The following RTRAF variants were observed in gnomAD, a reference collection of about 807,000 sequenced individuals.
RTRAF encodes RNA transcription, translation and transport factor.
A neutral mutation model predicts 34.4 loss-of-function variants in RTRAF; 14 were observed. The observed-to-expected ratio is 0.41, with a 90% CI of 0.27 to 0.64. The LOEUF is 0.64. RTRAF is among the 30% of genes least tolerant of loss of function. The probability of loss-of-function intolerance (pLI) is 0.34; values close to 1 mark genes in which losing one functional copy is unlikely to be tolerated. For missense variants in RTRAF, 291 were observed against 288.4 expected (o/e 1.01, Z -0.06); for synonymous variants, 96 against 95.3 (o/e 1.01, Z -0.04).
chr14:51,989,803 G>A lies in RTRAF; in HGVS notation c.61+103G>A. The A allele has an allele frequency of 2.0e-5, 24 of 1,226,284 alleles. No homozygotes were observed. In the South Asian group the frequency reaches 3.4e-4, roughly 18 times the overall value. 76.0% of individuals were successfully genotyped at this position (1,226,284 alleles called of 1,614,324 possible). A position where few individuals can be genotyped will look rare whatever the true frequency, so the allele number is the denominator to read the frequency against. The stretch of plus-strand genomic sequence containing the variant: ...CCCCGTCGGGACCCTCGGCGGCCTG[G>A]TTTCCGCCGGCAGCCTCCGGGCCCC... On this transcript the variant is annotated intron_variant, in intron 1 of 7. Coordinates refer to ENST00000261700, the MANE Select transcript of RTRAF (RefSeq NM_016039.3).
At chr14:52,001,897 T>C (rs767532071) in intron 6 of RTRAF, 31 bp downstream of exon 6, 1 of 1,555,968 alleles carries the variant, frequency 6.4e-7, no homozygotes. Flanking sequence ...AATAAGTTGT[T>C]AATGAACATT....
rs1350154792 is a variant in RTRAF, at chr14:52,008,958, T to TA, written c.*4444dup. ...TACTAACGAGGAAATATGGTCCTAT[T>TA]AAGTGGAAATAGGTTATAAGGAAAC... On this transcript the variant is annotated 3_prime_UTR_variant, in exon 8 of 8. Transcript: ENST00000261700. The TA allele has an allele frequency of 1.3e-5, 2 of 152,222 alleles. No homozygotes were observed. Among genetic ancestry groups the TA allele is most frequent in the African/African-American group, 4.8e-5 (2 of 41,454 alleles). 9.4% of individuals were successfully genotyped at this position (152,222 alleles called of 1,614,324 possible).
intron 6 of RTRAF, chr14:52,003,959 T>C: frequency 1.9e-6 from 1 of 538,036 alleles, no homozygotes; most frequent in Admixed American, 3.6e-5. Context: ...TTGGATGAGC[T>C]ATAGAGCTTC....
chr14:52,001,878 T>C lies in RTRAF; in HGVS notation c.531+12T>C. The C allele has an allele frequency of 6.3e-7, 1 of 1,597,930 alleles. No homozygotes were observed. The highest frequency in any genetic ancestry group is 8.5e-7 in the Non-Finnish European group (1 of 1,171,702). On this transcript the variant is annotated intron_variant, in intron 6 of 7. Coordinates refer to ENST00000261700, the MANE Select transcript of RTRAF (RefSeq NM_016039.3). Reference sequence around the variant, plus strand: ...ATCAAACAAAAGAGGTACGTTTCTATAAATCCTAAATAAGTTGTTAATGAA... The same window carrying C: ...ATCAAACAAAAGAGGTACGTTTCTACAAATCCTAAATAAGTTGTTAATGAA...
chr14:52,004,578 T>C lies in RTRAF; in HGVS notation c.*62T>C, dbSNP rs904577630. On this transcript the variant is annotated 3_prime_UTR_variant, in exon 8 of 8. Coordinates refer to ENST00000261700, the MANE Select transcript of RTRAF (RefSeq NM_016039.3). ...AGTTGGGAACCATACACTTCTGGCA[T>C]GTTTGGAAATCAAAATGTCACATTC... The C allele has an allele frequency of 1.4e-6, 2 of 1,462,614 alleles. No homozygotes were observed. The highest frequency in any genetic ancestry group is 1.8e-6 in the Non-Finnish European group (2 of 1,091,994). The allele number at this position is 1,462,614 out of a possible 1,614,324, so 90.6% of individuals were successfully genotyped here.
rs1173806799 is a variant in RTRAF, at chr14:52,001,846, A to G, written c.511A>G (p.Lys171Glu). ...GCGCCTGACACAGGATGCAGTTGCTAAGGCAAATCAAACAAAAGAGGTACG... is the reference window on the plus strand; with the variant it reads ...GCGCCTGACACAGGATGCAGTTGCTGAGGCAAATCAAACAAAAGAGGTACG... The part of the protein sequence containing the change: ...QERLTQDAVA[K>E]ANQTKEGLPV... The change falls in exon 6 of 8, where the codon AAG becomes GAG. Residue 171 changes from lysine (K) to glutamate (E), a missense_variant. By Grantham distance (56) the Lys-to-Glu change is moderately conservative. Coordinates refer to ENST00000261700, the MANE Select transcript of RTRAF (RefSeq NM_016039.3). The G allele has an allele frequency of 2.5e-6, 4 of 1,609,244 alleles. No individual in the cohort carries two copies. The highest frequency in any genetic ancestry group is 3.4e-6 in the Non-Finnish European group (4 of 1,178,740).
At chr14:52,002,560 C>T (rs1890617072) in intron 6 of RTRAF, among the ~76,000 whole-genome samples, 1 of 152,168 alleles carries the variant, frequency 6.6e-6, no homozygotes, top group African/African-American at 2.4e-5. Context: ...AGCTATATCC[C>T]ATGACTACCT....
chr14:51,992,895 T>TG (rs1890455066), intron 2 of RTRAF, among the ~76,000 whole-genome samples: 1 of 152,098 alleles, frequency 6.6e-6, no homozygotes, highest in South Asian at 2.1e-4. Context: ...CCAGGTGTGG[T>TG]GGCGCATGTG....
intron 5 of RTRAF, among the ~76,000 whole-genome samples, 179 bp from the exon 6 acceptor site, chr14:52,001,619 T>C (rs559254527): frequency 3.3e-5 from 5 of 152,298 alleles, no homozygotes; most frequent in African/African-American, 9.6e-5. Flanking sequence ...ATACTAGAAG[T>C]GTGAAAGGTT....
chr14:51,990,460 A>G (rs1048865955), intron 1 of RTRAF, among the ~76,000 whole-genome samples: 3 of 152,226 alleles, frequency 2.0e-5, no homozygotes, highest in African/African-American at 7.2e-5. Context: ...ATAACTTGTG[A>G]TACTCAGACC....
chr14:51,992,634 A>G (rs1890450278), intron 2 of RTRAF, among the ~76,000 whole-genome samples: 1 of 152,244 alleles, frequency 6.6e-6, no homozygotes, highest in South Asian at 2.1e-4. Context: ...ACTTTGAAAT[A>G]TATTTTTAGG....
In RTRAF at chr14:52,008,026, T is replaced by G; in HGVS notation, c.*3510T>G. ...GCCATGTAGCCTGTGGTAGGCAGCA[T>G]CTAAGCAGCCCCCAGTGATCTCCAT... is the stretch of plus-strand genomic sequence containing the variant. On this transcript the variant is annotated 3_prime_UTR_variant, in exon 8 of 8. Transcript: ENST00000261700. 2.1e-6 allele frequency: 3 copies of G among 1,422,296 alleles called. No homozygotes were observed. Among genetic ancestry groups the G allele is most frequent in the Non-Finnish European group, 2.9e-6 (3 of 1,038,034 alleles). 88.1% of individuals were successfully genotyped at this position (1,422,296 alleles called of 1,614,324 possible).
chr14:51,999,882 A>G lies in RTRAF; in HGVS notation c.462+86A>G. The stretch of plus-strand genomic sequence containing the variant: ...TCTAAATATTAACTATTGATATTAA[A>G]ATTATGGTTGAATGACTAAAATACA... On this transcript the variant is annotated intron_variant, in intron 5 of 7. Coordinates refer to ENST00000261700, the MANE Select transcript of RTRAF (RefSeq NM_016039.3). 1.3e-5 allele frequency: 12 copies of G among 928,238 alleles called. No individual in the cohort carries two copies. In the South Asian group the frequency reaches 2.0e-4, roughly 15 times the overall value. 57.5% of individuals were successfully genotyped at this position (928,238 alleles called of 1,614,324 possible).
Position 52,007,366 on chromosome 14 carries a change from A to G in RTRAF, c.*2850A>G. Reference sequence around the variant, plus strand: ...CAGCATTTTTTCAGTTGTGCTGATAAAAGCAAACAAATGTAGGTTGCTAAT... The same window carrying G: ...CAGCATTTTTTCAGTTGTGCTGATAGAAGCAAACAAATGTAGGTTGCTAAT... On this transcript the variant is annotated 3_prime_UTR_variant, in exon 8 of 8. Coordinates refer to ENST00000261700, the MANE Select transcript of RTRAF (RefSeq NM_016039.3). 1 of 182,146 alleles carries G rather than the reference A, an allele frequency of 5.5e-6. No individual in the cohort carries two copies. Among genetic ancestry groups the G allele is most frequent in the South Asian group, 1.2e-4 (1 of 8,078 alleles). The allele number at this position is 182,146 out of a possible 1,614,324, so 11.3% of individuals were successfully genotyped here. A position where few individuals can be genotyped will look rare whatever the true frequency, so the allele number is the denominator to read the frequency against.
chr14:51,991,572 G>A (rs1375770435), intron 2 of RTRAF, 131 bp downstream of exon 2: 4 of 1,144,122 alleles, frequency 3.5e-6, no homozygotes, highest in Non-Finnish European at 4.9e-6. Context: ...GGATTTCAGG[G>A]ATTTTGCTTT....
In RTRAF at chr14:52,006,707, A is replaced by C. The variant is rs759406322; in HGVS notation, c.*2191A>C. Reference sequence around the variant, plus strand: ...ATGAGGTCCTTCAGCTGCTTTGCCAAAAATGATAGTGACATAGTGATAGTG... The same window carrying C: ...ATGAGGTCCTTCAGCTGCTTTGCCACAAATGATAGTGACATAGTGATAGTG... On this transcript the variant is annotated 3_prime_UTR_variant, in exon 8 of 8. Coordinates refer to ENST00000261700, the MANE Select transcript of RTRAF (RefSeq NM_016039.3). 1.9e-6 allele frequency: 3 copies of C among 1,605,928 alleles called. No homozygotes were observed. In the African/African-American group the frequency reaches 4.0e-5, roughly 21 times the overall value.
intron 6 of RTRAF, among the ~76,000 whole-genome samples, chr14:52,003,732 G>A (rs998089123): frequency 2.6e-5 from 4 of 152,024 alleles, no homozygotes; most frequent in African/African-American, 9.7e-5. Context: ...ACATAATCTT[G>A]GCAAACACCA....
At chr14:51,998,352 T>A in intron 3 of RTRAF, 142 bp from the exon 4 acceptor site, 1 of 517,176 alleles carries the variant, frequency 1.9e-6, no homozygotes, top group Non-Finnish European at 3.5e-6. Flanking sequence ...TCTGAAAAAA[T>A]TTAAAATTGG....
In RTRAF at chr14:52,008,243, A is replaced by C; in HGVS notation, c.*3727A>C. On this transcript the variant is annotated 3_prime_UTR_variant, in exon 8 of 8. Transcript: ENST00000261700. ...GAGGGAAGCTGGATGCCATGTTGCAAGCTACCCTGTAAAGGGGAACATGTG... is the reference window on the plus strand; with the variant it reads ...GAGGGAAGCTGGATGCCATGTTGCACGCTACCCTGTAAAGGGGAACATGTG... The C allele has an allele frequency of 3.2e-6, 1 of 315,430 alleles. No individual in the cohort carries two copies. Among genetic ancestry groups the C allele is most frequent in the Non-Finnish European group, 5.8e-6 (1 of 170,960 alleles). The allele number at this position is 315,430 out of a possible 1,614,324, so 19.5% of individuals were successfully genotyped here.
Sources: allele counts gnomAD v4.1 joint callset (sites outside exome capture counted in the v4.1 genomes callset), GRCh38; gene constraint gnomAD v4.1.1; transcripts MANE v1.5; gene names NCBI Gene and HGNC (gene_info 2026-07-23, HGNC 2026-07-21).